VPS8: variants seen among roughly 807,000 people sequenced by gnomAD.
The protein encoded by VPS8 is vacuolar protein sorting-associated protein 8 homolog.
VPS8 carries 129 observed loss-of-function variants against 216.4 expected under a neutral mutation model. That is an observed-to-expected ratio of 0.60 (90% CI 0.52 to 0.69). The LOEUF is 0.69. Among genes scored for constraint, VPS8 ranks in the 30% least tolerant of loss-of-function variants. The pLI is 0.00. For synonymous variants in VPS8, 571 were observed against 565.4 expected (o/e 1.01, Z -0.14); for missense variants, 1,531 against 1,683.5 (o/e 0.91, Z 1.59).
At chr3:185,003,577 T>C (rs1173262839) in intron 45 of VPS8, among the ~76,000 whole-genome samples, 1 of 151,530 alleles carries the variant, frequency 6.6e-6, no homozygotes, top group Non-Finnish European at 1.5e-5. Flanking sequence ...ACAGCAACCA[T>C]CCGATTTCTC....
chr3:185,042,497 C>CT (rs1331169027), intron 46 of VPS8, among the ~76,000 whole-genome samples: 1 of 152,232 alleles, frequency 6.6e-6, no homozygotes, highest in Non-Finnish European at 1.5e-5. Flanking sequence ...GGGGGTCAGT[C>CT]TCACTGTCAT....
chr3:185,022,919 A>G (rs891077013), intron 45 of VPS8, among the ~76,000 whole-genome samples: 4 of 152,216 alleles, frequency 2.6e-5, no homozygotes, highest in African/African-American at 4.8e-5. Context: ...ATTTTCCAAT[A>G]TAACATATGG....
At chr3:185,028,368 A>C (rs1415434547) in intron 46 of VPS8, among the ~76,000 whole-genome samples, 6 of 152,238 alleles carry the variant, frequency 3.9e-5, no homozygotes, top group Non-Finnish European at 1.5e-5. Context: ...CTAGGCAGAT[A>C]GAAGTGAGTA....
chr3:185,019,904 G>C (rs1756406365), intron 45 of VPS8, among the ~76,000 whole-genome samples: 1 of 152,178 alleles, frequency 6.6e-6, no homozygotes, highest in Admixed American at 6.5e-5. Context: ...GCCAGGTTTT[G>C]CTGCCAGATG....
intron 34 of VPS8, among the ~76,000 whole-genome samples, chr3:184,931,971 C>T (rs144718683): frequency 4.9e-4 from 74 of 152,226 alleles, no homozygotes; most frequent in African/African-American, 1.3e-3. Context: ...AATGAGCAAA[C>T]ATTGCTCAGC....
At chr3:184,856,414 G>A (rs1449771105) in intron 14 of VPS8, among the ~76,000 whole-genome samples, 1 of 152,172 alleles carries the variant, frequency 6.6e-6, no homozygotes, top group African/African-American at 2.4e-5. Flanking sequence ...TGCAGGAAGG[G>A]TAGGTATGCA....
rs999470038 is a variant in VPS8, at chr3:184,928,311, A to G, written c.2632-140A>G. On this transcript the variant is annotated intron_variant, in intron 31 of 47. Transcript: ENST00000625842. ...TTATAATGTCAGTCTAACCCCTTCC[A>G]TATGTGACAGCAAGCCAAAATATCA... The G allele has an allele frequency of 2.1e-5, 13 of 616,420 alleles. 1 individual carries two copies. In the South Asian group the frequency reaches 2.6e-4, roughly 12 times the overall value. 38.2% of individuals were successfully genotyped at this position (616,420 alleles called of 1,614,324 possible). A position where few individuals can be genotyped will look rare whatever the true frequency, so the allele number is the denominator to read the frequency against.
intron 25 of VPS8, among the ~76,000 whole-genome samples, chr3:184,906,681 T>G (rs1360748666): frequency 1.3e-5 from 2 of 152,132 alleles, no homozygotes; most frequent in African/African-American, 2.4e-5. Flanking sequence ...GGGGAACAAA[T>G]GGACCTGGGA....
chr3:184,917,451 C>G (rs564166088), intron 28 of VPS8, among the ~76,000 whole-genome samples: 1 of 152,042 alleles, frequency 6.6e-6, no homozygotes, highest in Non-Finnish European at 1.5e-5. Flanking sequence ...ATTTTTGAGA[C>G]GGAGCTTTGC....
At chr3:185,033,058 C>G (rs1332713398) in intron 46 of VPS8, among the ~76,000 whole-genome samples, 1 of 152,116 alleles carries the variant, frequency 6.6e-6, no homozygotes, top group East Asian at 1.9e-4. Flanking sequence ...CCCTCCCCAC[C>G]CCCACAGTTG....
At chr3:185,000,472 C>G (rs1160770558) in intron 45 of VPS8, among the ~76,000 whole-genome samples, 2 of 152,226 alleles carry the variant, frequency 1.3e-5, no homozygotes, top group East Asian at 3.9e-4. Context: ...TTGTGCTCTA[C>G]TCGGCTATAC....
intron 22 of VPS8, among the ~76,000 whole-genome samples, chr3:184,890,986 A>G (rs918559946): frequency 6.6e-6 from 1 of 152,140 alleles, no homozygotes. Context: ...TAGCATATAT[A>G]TGGGTAGCCC....
chr3:184,860,350 A>G (rs2108720628), intron 15 of VPS8, among the ~76,000 whole-genome samples: 1 of 151,706 alleles, frequency 6.6e-6, no homozygotes, highest in East Asian at 1.9e-4. Flanking sequence ...GTCTCTTAAA[A>G]AAAAAAAAGT....
At chr3:185,025,994 A>G (rs1179582270) in intron 46 of VPS8, among the ~76,000 whole-genome samples, 1 of 152,216 alleles carries the variant, frequency 6.6e-6, no homozygotes, top group Non-Finnish European at 1.5e-5. Flanking sequence ...TGTTTGACAT[A>G]TAGTAAGTAC....
intron 46 of VPS8, among the ~76,000 whole-genome samples, chr3:185,035,135 C>A (rs1429890887): frequency 6.6e-6 from 1 of 152,068 alleles, no homozygotes; most frequent in Non-Finnish European, 1.5e-5. Context: ...AAGTACTAGA[C>A]CAGATGGAGT....
chr3:184,981,720 G>C (rs556271025), intron 40 of VPS8, among the ~76,000 whole-genome samples: 2 of 152,278 alleles, frequency 1.3e-5, no homozygotes, highest in South Asian at 4.1e-4. Context: ...ACAGGCGTGA[G>C]CCACCATGCC....
At chr3:185,022,993 G>A (rs1276675465) in intron 45 of VPS8, among the ~76,000 whole-genome samples, 1 of 151,880 alleles carries the variant, frequency 6.6e-6, no homozygotes, top group Admixed American at 6.6e-5. Context: ...GCTTTATTGA[G>A]GTATAATAAC....
intron 7 of VPS8, among the ~76,000 whole-genome samples, chr3:184,840,991 T>C (rs1240887277): frequency 1.3e-5 from 2 of 152,194 alleles, no homozygotes; most frequent in Admixed American, 1.3e-4. Context: ...CTTACTATTA[T>C]AAATTTTGTA....
intron 46 of VPS8, among the ~76,000 whole-genome samples, chr3:185,038,467 T>A (rs1759199909): frequency 6.6e-6 from 1 of 152,244 alleles, no homozygotes; most frequent in Non-Finnish European, 1.5e-5. Flanking sequence ...CCTGCAGTTG[T>A]CTTTTTCCTC....
Sources: allele counts gnomAD v4.1 joint callset (sites outside exome capture counted in the v4.1 genomes callset), GRCh38; gene constraint gnomAD v4.1.1; transcripts MANE v1.5; gene names NCBI Gene and HGNC (gene_info 2026-07-23, HGNC 2026-07-21).